Variants in NXPH1 observed in about 807,000 individuals in gnomAD.
The protein encoded by NXPH1 is neurexophilin 1.
A neutral mutation model predicts 23.7 loss-of-function variants in NXPH1; 5 were observed. That is an observed-to-expected ratio of 0.21 (90% CI 0.11 to 0.44). The LOEUF (loss-of-function observed/expected upper bound fraction) is 0.44. Ranked by LOEUF, NXPH1 falls within the 20% of genes least tolerant of loss-of-function variation. The pLI, the probability that NXPH1 is intolerant of heterozygous loss-of-function variation, is 0.99. For missense variants in NXPH1, 324 were observed against 321.6 expected (o/e 1.01, Z -0.06); for synonymous variants, 144 against 122.2 (o/e 1.18, Z -1.18).
At chr7:8,620,695 C>T (rs1218360923) in intron 2 of NXPH1, among the ~76,000 whole-genome samples, 7 of 152,168 alleles carry the variant, frequency 4.6e-5, no homozygotes, top group African/African-American at 2.4e-5. Context: ...GCTAATTCTA[C>T]GCTTTAGAAT....
At chr7:8,473,498 T>G (rs899717814) in intron 2 of NXPH1, among the ~76,000 whole-genome samples, 5 of 152,152 alleles carry the variant, frequency 3.3e-5, no homozygotes, top group Non-Finnish European at 7.4e-5. Flanking sequence ...GGCTTCAGAT[T>G]AACACCTACT....
At chr7:8,524,559 G>C (rs1817832878) in intron 2 of NXPH1, among the ~76,000 whole-genome samples, 1 of 152,144 alleles carries the variant, frequency 6.6e-6, no homozygotes, top group Non-Finnish European at 1.5e-5. Flanking sequence ...TGTTTAAAAT[G>C]ACAATGCCAA....
At chr7:8,464,316 T>G (rs1002258057) in intron 2 of NXPH1, among the ~76,000 whole-genome samples, 1 of 152,202 alleles carries the variant, frequency 6.6e-6, no homozygotes, top group Non-Finnish European at 1.5e-5. Context: ...TTTCACTCTT[T>G]TAGGAATATT....
chr7:8,637,851 G>A (rs1174275106), intron 2 of NXPH1, among the ~76,000 whole-genome samples: 1 of 152,070 alleles, frequency 6.6e-6, no homozygotes, highest in Non-Finnish European at 1.5e-5. Flanking sequence ...TTAATAAGAA[G>A]GACTTTGGTG....
chr7:8,626,205 C>T (rs1819984230), intron 2 of NXPH1, among the ~76,000 whole-genome samples: 1 of 151,044 alleles, frequency 6.6e-6, no homozygotes, highest in African/African-American at 2.4e-5. Context: ...AAAAAAAGAA[C>T]ATTTTAATAA....
intron 2 of NXPH1, among the ~76,000 whole-genome samples, chr7:8,666,009 C>T (rs1275611526): frequency 6.8e-6 from 1 of 146,230 alleles, no homozygotes; most frequent in Non-Finnish European, 1.5e-5. Context: ...ATTTAATTTC[C>T]AATTTGGAGA....
chr7:8,619,590 C>A (rs2214507), intron 2 of NXPH1, among the ~76,000 whole-genome samples: 4 of 151,992 alleles, frequency 2.6e-5, no homozygotes, highest in Admixed American at 6.6e-5. Context: ...ATTGAGCAAC[C>A]TCACTGACTC....
intron 2 of NXPH1, among the ~76,000 whole-genome samples, chr7:8,547,270 A>T (rs971229937): frequency 6.6e-5 from 10 of 151,336 alleles, no homozygotes; most frequent in Admixed American, 4.0e-4. Context: ...TCATTGAAGT[A>T]TCTTCTTTTG....
Position 8,479,159 on chromosome 7 carries a change from C to G in NXPH1, c.54+43392C>G, listed in dbSNP as rs117872269. ...CTAAGATTAAATGAGGGTTAAAGAT[C>G]AAGTATCTATAAAACAGCAGATTTA... is the stretch of plus-strand genomic sequence containing the variant. On this transcript the variant is annotated intron_variant, in intron 2 of 2. Transcript: ENST00000405863. Among the ~76,000 whole-genome samples, 148 of 152,046 alleles carry G rather than the reference C, an allele frequency of 9.7e-4. 2 individuals are homozygous for G. The East Asian group carries it at 0.025, about 26-fold the overall frequency.
At chr7:8,749,590 T>G (rs1780530834) in intron 2 of NXPH1, among the ~76,000 whole-genome samples, 1 of 152,186 alleles carries the variant, frequency 6.6e-6, no homozygotes, top group African/African-American at 2.4e-5. Context: ...GGAATGACCA[T>G]TCATTTTAAG....
At chr7:8,620,598 T>C (rs185148902) in intron 2 of NXPH1, among the ~76,000 whole-genome samples, 4 of 152,300 alleles carry the variant, frequency 2.6e-5, no homozygotes, top group Non-Finnish European at 5.9e-5. Flanking sequence ...AGCTTAAGAT[T>C]GAAGCCAATG....
chr7:8,521,756 A>T (rs1448602058), intron 2 of NXPH1, among the ~76,000 whole-genome samples: 3 of 152,216 alleles, frequency 2.0e-5, no homozygotes, highest in Non-Finnish European at 4.4e-5. Flanking sequence ...ATGTAAGACA[A>T]TGGCAGTGTA....
chr7:8,740,714 T>C (rs936454814), intron 2 of NXPH1, among the ~76,000 whole-genome samples: 2 of 148,748 alleles, frequency 1.3e-5, no homozygotes, highest in African/African-American at 2.5e-5. Context: ...TTTGCTTTTG[T>C]TTTTTTTTTC....
chr7:8,516,273 A>G (rs776860122), intron 2 of NXPH1, among the ~76,000 whole-genome samples: 3 of 151,960 alleles, frequency 2.0e-5, no homozygotes, highest in Non-Finnish European at 4.4e-5. Flanking sequence ...CTCATGCTTT[A>G]TCTACTTGGG....
At chr7:8,743,632 C>G (rs1001229188) in intron 2 of NXPH1, among the ~76,000 whole-genome samples, 31 of 151,590 alleles carry the variant, frequency 2.0e-4, no homozygotes, top group African/African-American at 7.5e-4. Flanking sequence ...AATTATGCTC[C>G]TAAGACATGT....
intron 2 of NXPH1, among the ~76,000 whole-genome samples, chr7:8,623,989 G>A (rs545204538): frequency 2.0e-5 from 3 of 152,136 alleles, no homozygotes; most frequent in South Asian, 2.1e-4. Context: ...GATGAGCAAC[G>A]TGCTATTCTT....
rs147933071 is a variant in NXPH1 at position 8,533,708 on chromosome 7, A to G, written c.54+97941A>G. Among the ~76,000 whole-genome samples, 165 of 152,268 alleles carry G rather than the reference A, an allele frequency of 1.1e-3. 2 individuals carry two copies. The highest frequency in any genetic ancestry group is 3.8e-3 in the African/African-American group (158 of 41,560). ...AGAAAGAAATTCTTTCTGTAAATAA[A>G]AAGCAAATTAATTACAAATAGGACC... On this transcript the variant is annotated intron_variant, in intron 2 of 2. Transcript: ENST00000405863.
At chr7:8,741,962 C>G (rs888760923) in intron 2 of NXPH1, among the ~76,000 whole-genome samples, 4 of 152,006 alleles carry the variant, frequency 2.6e-5, no homozygotes, top group African/African-American at 9.7e-5. Context: ...GGAAACTAAA[C>G]TCTTGAGATA....
At chr7:8,485,136 C>T (rs1016935595) in intron 2 of NXPH1, among the ~76,000 whole-genome samples, 4 of 152,112 alleles carry the variant, frequency 2.6e-5, no homozygotes, top group East Asian at 1.9e-4. Context: ...AATTCAATCA[C>T]GTGGGCAGGC....
Sources: gnomAD v4.1 joint callset for allele counts (sites outside exome capture counted in the v4.1 genomes callset) on GRCh38, gnomAD v4.1.1 for gene constraint, MANE v1.5 for transcripts, NCBI Gene and HGNC (gene_info 2026-07-23, HGNC 2026-07-21) for gene names.